MPPED1: variants seen among roughly 807,000 people sequenced by gnomAD.
The protein encoded by MPPED1 is metallophosphoesterase domain containing 1, also known as metallophosphoesterase domain-containing protein 1.
MPPED1 carries 16 observed loss-of-function variants against 36.2 expected under a neutral mutation model. The observed-to-expected ratio is 0.44, with a 90% CI of 0.30 to 0.67. The LOEUF (loss-of-function observed/expected upper bound fraction) is 0.67, where lower values mean the gene tolerates loss of function less well. Ranked by LOEUF, MPPED1 falls within the 30% of genes least tolerant of loss-of-function variation. The probability of loss-of-function intolerance (pLI) is 0.10; values close to 1 mark genes in which losing one functional copy is unlikely to be tolerated. For synonymous variants in MPPED1, 199 were observed against 191.3 expected (o/e 1.04, Z -0.33); for missense variants, 307 against 453.4 (o/e 0.68, Z 2.93).
At chr22:43,488,192 C>T (rs894061612) in intron 4 of MPPED1, among the ~76,000 whole-genome samples, 5 of 152,116 alleles carry the variant, frequency 3.3e-5, no homozygotes, top group African/African-American at 9.7e-5. Context: ...GCCCCTACGC[C>T]GCCCTCAGCC....
intron 3 of MPPED1, among the ~76,000 whole-genome samples, chr22:43,442,785 G>A (rs1930195123): frequency 2.0e-5 from 3 of 152,170 alleles, no homozygotes; most frequent in African/African-American, 4.8e-5. Flanking sequence ...AGATGAGACC[G>A]TGTGTGCACC....
At chr22:43,491,313 G>A (rs1932074809) in intron 4 of MPPED1, among the ~76,000 whole-genome samples, 2 of 152,070 alleles carry the variant, frequency 1.3e-5, no homozygotes, top group South Asian at 2.1e-4. Flanking sequence ...GTGTATGATG[G>A]TGATGATGAT....
rs1360672497 is a variant in MPPED1 at position 43,424,930 on chromosome 22, G to A, written c.-56G>A. Reference sequence around the variant, plus strand: ...CAGTCTGTTTCCAGGTCTGGCGGGGGGCCGGGCTGCGGTGGCGGCAGCGGT... The same window carrying A: ...CAGTCTGTTTCCAGGTCTGGCGGGGAGCCGGGCTGCGGTGGCGGCAGCGGT... On this transcript the variant is annotated 5_prime_UTR_variant, in exon 2 of 7. Transcript: ENST00000443721. 6.5e-7 allele frequency: 1 copy of A among 1,540,734 alleles called. No homozygotes were observed. The highest frequency in any genetic ancestry group is 1.4e-5 in the African/African-American group (1 of 72,958).
chr22:43,470,438 T>C (rs1931335123), intron 3 of MPPED1, among the ~76,000 whole-genome samples: 1 of 152,154 alleles, frequency 6.6e-6, no homozygotes, highest in Non-Finnish European at 1.5e-5. Flanking sequence ...CATCCGTCCA[T>C]CTATAAACCA....
At chr22:43,465,640 AC>A (rs1451277925) in intron 3 of MPPED1, among the ~76,000 whole-genome samples, 2 of 152,134 alleles carry the variant, frequency 1.3e-5, no homozygotes, top group Non-Finnish European at 2.9e-5. Context: ...GTTGGGGGGC[AC>A]CCATCATCCT....
rs532084932 is a variant in MPPED1, at chr22:43,469,930, A to G, written c.407-4806A>G. Among the ~76,000 whole-genome samples the G allele has an allele frequency of 7.2e-5, 11 of 152,172 alleles. No homozygotes were observed. The East Asian group carries it at 1.7e-3, about 24-fold the overall frequency. ...TCCATCCATCTATATATGCATCTAT[A>G]TATTCATACATATATAAAGCATCCA... is the stretch of plus-strand genomic sequence containing the variant. On this transcript the variant is annotated intron_variant, in intron 3 of 6. Transcript: ENST00000443721.
chr22:43,500,162 GATGGT>G, intron 5 of MPPED1, among the ~76,000 whole-genome samples: 1 of 109,082 alleles, frequency 9.2e-6, no homozygotes, highest in Non-Finnish European at 1.8e-5. Context: ...TGGTGGTGGT[GATGGT>G]GATGGAGGTG....
chr22:43,497,296 T>A (rs1204430316), intron 4 of MPPED1, among the ~76,000 whole-genome samples: 1 of 151,962 alleles, frequency 6.6e-6, no homozygotes, highest in African/African-American at 2.4e-5. Context: ...ACCTACGGGA[T>A]GATTCTGATG....
intron 2 of MPPED1, among the ~76,000 whole-genome samples, chr22:43,428,667 A>G (rs899083750): frequency 6.6e-6 from 1 of 152,156 alleles, no homozygotes; most frequent in African/African-American, 2.4e-5. Context: ...GTGACAGTCC[A>G]AACATGGCCT....
intron 4 of MPPED1, among the ~76,000 whole-genome samples, chr22:43,482,591 A>T (rs937597790): frequency 1.3e-5 from 2 of 152,202 alleles, no homozygotes; most frequent in Non-Finnish European, 2.9e-5. Flanking sequence ...TTTCTGTGAA[A>T]TGCCAAGAGG....
rs1331113424 is a variant in MPPED1, at chr22:43,507,389, G to A, written c.*1773G>A. On this transcript the variant is annotated 3_prime_UTR_variant, in exon 7 of 7. Transcript: ENST00000443721. ...CTGAGCTGGGCTCCTCGAGGGGTGG[G>A]GCTGCTGTCCCTGGAAGCCTGGCAG... The A allele has an allele frequency of 6.6e-6, 1 of 152,218 alleles. No individual in the cohort carries two copies. Among genetic ancestry groups the A allele is most frequent in the East Asian group, 1.9e-4 (1 of 5,194 alleles). The allele number at this position is 152,218 out of a possible 1,614,324, so 9.4% of individuals were successfully genotyped here. A position where few individuals can be genotyped will look rare whatever the true frequency, so the allele number is the denominator to read the frequency against.
chr22:43,503,864 A>G (rs1334091933), intron 6 of MPPED1, among the ~76,000 whole-genome samples: 1 of 152,166 alleles, frequency 6.6e-6, no homozygotes, highest in Non-Finnish European at 1.5e-5. Flanking sequence ...ACTCCAAAGA[A>G]TAGGTCCTCA....
At chr22:43,493,888 G>T (rs1000407438) in intron 4 of MPPED1, among the ~76,000 whole-genome samples, 2 of 152,144 alleles carry the variant, frequency 1.3e-5, no homozygotes, top group Non-Finnish European at 2.9e-5. Flanking sequence ...ACTATGTAGG[G>T]CTGTGTAACT....
chr22:43,432,507 GA>G (rs1256397250), intron 2 of MPPED1, among the ~76,000 whole-genome samples: 2 of 108,600 alleles, frequency 1.8e-5, no homozygotes, highest in African/African-American at 6.9e-5. Flanking sequence ...GAGAGAGAGG[GA>G]AAGAGAAAGG....
chr22:43,426,147 C>T (rs1287764313), intron 2 of MPPED1, among the ~76,000 whole-genome samples: 2 of 152,220 alleles, frequency 1.3e-5, no homozygotes, highest in Non-Finnish European at 2.9e-5. Context: ...GTGCCCCACC[C>T]TGCTGGCAGA....
chr22:43,429,411 C>T (rs135079), intron 2 of MPPED1, among the ~76,000 whole-genome samples: 5,853 of 152,342 alleles, frequency 0.038, 140 homozygotes, highest in Middle Eastern at 0.085. Context: ...GCAACAGATG[C>T]GGTGGCTGCT....
chr22:43,424,827 CT>C (rs1929402584), intron 1 of MPPED1, 80 bp from the exon 2 acceptor site: 1 of 1,437,450 alleles, frequency 7.0e-7, no homozygotes, highest in African/African-American at 1.4e-5. Context: ...CCCTCTCCCT[CT>C]TTCTAAATCT....
At chr22:43,462,840 G>C (rs890151934) in intron 3 of MPPED1, among the ~76,000 whole-genome samples, 1 of 152,030 alleles carries the variant, frequency 6.6e-6, no homozygotes, top group African/African-American at 2.4e-5. Context: ...CCTTTCTTCT[G>C]TCTTGTAACC....
chr22:43,429,539 T>C (rs1929601055), intron 2 of MPPED1, among the ~76,000 whole-genome samples: 1 of 152,260 alleles, frequency 6.6e-6, no homozygotes, highest in African/African-American at 2.4e-5. Context: ...CTCACCCAGG[T>C]GTCACCACCT....
Sources: allele counts gnomAD v4.1 joint callset (sites outside exome capture counted in the v4.1 genomes callset), GRCh38; gene constraint gnomAD v4.1.1; transcripts MANE v1.5; gene names NCBI Gene and HGNC (gene_info 2026-07-23, HGNC 2026-07-21).